The following GABRR3 variants were observed in gnomAD, a reference collection of about 807,000 sequenced individuals.
GABRR3 encodes gamma-aminobutyric acid type A receptor subunit rho3, also known as gamma-aminobutyric acid receptor subunit rho-3.
In GABRR3, 29 loss-of-function variants were observed where a neutral mutation model predicts 43.2. The observed-to-expected ratio is 0.67, with a 90% CI of 0.50 to 0.92. The LOEUF (loss-of-function observed/expected upper bound fraction) is 0.92, where lower values mean the gene tolerates loss of function less well. Among genes scored for constraint, GABRR3 ranks in the 40% least tolerant of loss-of-function variants. GABRR3 has a pLI of 0.00. For missense variants in GABRR3, 576 were observed against 572.3 expected (o/e 1.01, Z -0.07); for synonymous variants, 206 against 195.9 (o/e 1.05, Z -0.43).
chr3:97,990,806 GC>G (rs1706457371), intron 9 of GABRR3, among the ~76,000 whole-genome samples: 1 of 151,700 alleles, frequency 6.6e-6, no homozygotes, highest in Admixed American at 6.6e-5. Flanking sequence ...ATGGGAAGTT[GC>G]TGTTTGATGG....
At chr3:98,010,775 A>G (rs1706779629) in intron 5 of GABRR3, among the ~76,000 whole-genome samples, 1 of 152,184 alleles carries the variant, frequency 6.6e-6, no homozygotes, top group South Asian at 2.1e-4. Flanking sequence ...TGACTCCAGT[A>G]TGTATGAGTC....
At chr3:98,025,459 G>A (rs942494043) in intron 3 of GABRR3, 108 bp downstream of exon 3, 2 of 648,734 alleles carry the variant, frequency 3.1e-6, no homozygotes, top group African/African-American at 3.7e-5. Context: ...TTCTTTTTTT[G>A]TTTTAAACTG....
rs180737686 is a variant in GABRR3 at position 97,993,757 on chromosome 3, C to T, written c.908-709G>A. ...CTCCTTTCTCCTCCCTTCCCTCCCCCTCTTCCCTTTCCTTCTCTTCCCTTC... is the reference window on the plus strand; with the variant it reads ...CTCCTTTCTCCTCCCTTCCCTCCCCTTCTTCCCTTTCCTTCTCTTCCCTTC... On this transcript the variant is annotated intron_variant, in intron 8 of 9. Coordinates refer to ENST00000621172, the Ensembl canonical transcript of GABRR3. Among the ~76,000 whole-genome samples the T allele has an allele frequency of 6.0e-4, 92 of 152,160 alleles. No homozygotes were observed. The Middle Eastern group carries it at 0.014, about 23-fold the overall frequency.
chr3:98,011,211 T>C (rs1706786815), intron 5 of GABRR3, among the ~76,000 whole-genome samples: 1 of 152,202 alleles, frequency 6.6e-6, no homozygotes, highest in Admixed American at 6.5e-5. Context: ...GCCGAAGTGG[T>C]TAAGGTATTT....
intron 4 of GABRR3, among the ~76,000 whole-genome samples, chr3:98,016,491 G>T (rs1374547835): frequency 6.6e-6 from 1 of 152,072 alleles, no homozygotes; most frequent in Non-Finnish European, 1.5e-5. Context: ...TCCTTGTATG[G>T]CCTGCAGAAC....
chr3:97,988,347 G>T (rs1706413256), intron 9 of GABRR3, among the ~76,000 whole-genome samples: 1 of 152,074 alleles, frequency 6.6e-6, no homozygotes, highest in Admixed American at 6.5e-5. Flanking sequence ...GAAAGTGCTG[G>T]GATTACAGGC....
At chr3:98,023,773 A>C (rs1706979899) in intron 3 of GABRR3, among the ~76,000 whole-genome samples, 1 of 152,250 alleles carries the variant, frequency 6.6e-6, no homozygotes, top group South Asian at 2.1e-4. Flanking sequence ...ATGCTCTGCA[A>C]AACAAAAAAT....
chr3:97,991,348 T>A (rs1706463555), intron 9 of GABRR3, among the ~76,000 whole-genome samples: 1 of 152,198 alleles, frequency 6.6e-6, no homozygotes, highest in Non-Finnish European at 1.5e-5. Context: ...AAATTCATAG[T>A]CTCAGGTCCC....
intron 9 of GABRR3, among the ~76,000 whole-genome samples, chr3:97,991,711 C>T (rs946633057): frequency 3.3e-5 from 5 of 152,094 alleles, no homozygotes; most frequent in African/African-American, 1.2e-4. Flanking sequence ...AGATAATAAT[C>T]TCTGTAAGAT....
In GABRR3 at chr3:98,025,612, G is replaced by T. The variant is rs373571752; in HGVS notation, c.193C>A (p.Leu65Ile). The change falls in exon 3 of 10, where the codon CTC (leucine) becomes ATC (isoleucine). Residue 65 changes from leucine to isoleucine, a missense_variant. Coordinates refer to ENST00000621172, the Ensembl canonical transcript of GABRR3. The stretch of plus-strand genomic sequence containing the variant: ...GCGAAATCGTTGTCCTCTATATGGA[G>T]AAGTTGCTCATATTTCTGAGGCCGC... 784 of 1,613,036 alleles carry T rather than the reference G, an allele frequency of 4.9e-4. 10 individuals are homozygous for T. In the South Asian group the frequency reaches 7.5e-3, roughly 16 times the overall value.
intron 7 of GABRR3, among the ~76,000 whole-genome samples, chr3:98,007,408 A>G (rs1576041732): frequency 6.6e-6 from 1 of 152,196 alleles, no homozygotes; most frequent in South Asian, 2.1e-4. Flanking sequence ...CACATTAGGC[A>G]GGAGACTGAT....
chr3:97,986,871 A>T (rs775475455), exon 10 of GABRR3: 4 of 1,611,866 alleles, frequency 2.5e-6, no homozygotes, highest in Admixed American at 3.3e-5. Flanking sequence ...CTTCTCATGA[A>T]GTCTTCTGAG....
At chr3:98,027,292 C>T (rs1165566825) in intron 2 of GABRR3, among the ~76,000 whole-genome samples, 1 of 152,120 alleles carries the variant, frequency 6.6e-6, no homozygotes, top group African/African-American at 2.4e-5. Flanking sequence ...TGGGGTATGA[C>T]AATTTGCATG....
At chr3:98,024,872 A>G (rs774762938) in intron 3 of GABRR3, among the ~76,000 whole-genome samples, 5 of 152,336 alleles carry the variant, frequency 3.3e-5, no homozygotes, top group Non-Finnish European at 5.9e-5. Flanking sequence ...TAAGTAGTCT[A>G]AGGAGAAGAA....
At chr3:98,018,456 T>G (rs578177906) in intron 3 of GABRR3, among the ~76,000 whole-genome samples, 1 of 152,300 alleles carries the variant, frequency 6.6e-6, no homozygotes, top group East Asian at 1.9e-4. Flanking sequence ...CTTGTACAGT[T>G]GAGTCACCCA....
intron 8 of GABRR3, chr3:97,999,809 A>G (rs13317226): frequency 0.29 from 43,779 of 151,994 alleles, 7,111 homozygotes; most frequent in Non-Finnish European, 0.39. Context: ...CATTTTGCAG[A>G]TGAGGAAGAT....
chr3:98,027,010 G>A (rs1408127822), intron 2 of GABRR3, among the ~76,000 whole-genome samples: 2 of 152,064 alleles, frequency 1.3e-5, no homozygotes, highest in Non-Finnish European at 2.9e-5. Flanking sequence ...TTTGGTAGAA[G>A]GCAATGAGTT....
chr3:97,987,742 C>T (rs1179368827), intron 9 of GABRR3, among the ~76,000 whole-genome samples: 1 of 151,934 alleles, frequency 6.6e-6, no homozygotes, highest in East Asian at 1.9e-4. Context: ...TATGTTGTCC[C>T]TTTTTATTTT....
intron 8 of GABRR3, among the ~76,000 whole-genome samples, chr3:97,996,570 T>C (rs1398378510): frequency 6.6e-6 from 1 of 152,164 alleles, no homozygotes; most frequent in Non-Finnish European, 1.5e-5. Context: ...GCCCATTACT[T>C]AATTCATTCT....
Sources: allele counts gnomAD v4.1 joint callset (sites outside exome capture counted in the v4.1 genomes callset), GRCh38; gene constraint gnomAD v4.1.1; transcripts MANE v1.5; gene names NCBI Gene and HGNC (gene_info 2026-07-23, HGNC 2026-07-21).